BMP6: variants seen among roughly 807,000 people sequenced by gnomAD.
BMP6 encodes VG-1-R.
BMP6 carries 17 observed loss-of-function variants against 54.1 expected under a neutral mutation model. That is an observed-to-expected ratio of 0.31 (90% CI 0.22 to 0.47). The LOEUF (loss-of-function observed/expected upper bound fraction) is 0.47. Among genes scored for constraint, BMP6 ranks in the 20% least tolerant of loss-of-function variants. BMP6 has a pLI of 1.00. For synonymous variants in BMP6, 328 were observed against 291.2 expected (o/e 1.13, Z -1.28); for missense variants, 720 against 690.4 (o/e 1.04, Z -0.48).
intron 1 of BMP6, among the ~76,000 whole-genome samples, chr6:7,823,552 T>A (rs78318945): frequency 6.6e-6 from 1 of 152,162 alleles, no homozygotes; most frequent in African/African-American, 2.4e-5. Flanking sequence ...TATGGAGACA[T>A]GTATTTTAAA....
chr6:7,740,506 C>T (rs890908814), intron 1 of BMP6, among the ~76,000 whole-genome samples: 2 of 152,020 alleles, frequency 1.3e-5, no homozygotes, highest in African/African-American at 4.8e-5. Context: ...CATTAGATTC[C>T]ATTTGTAGAA....
At chr6:7,755,446 A>T (rs1167655315) in intron 1 of BMP6, among the ~76,000 whole-genome samples, 2 of 152,240 alleles carry the variant, frequency 1.3e-5, no homozygotes, top group Non-Finnish European at 2.9e-5. Flanking sequence ...TAAGAATTTT[A>T]CAACAGTATA....
intron 1 of BMP6, among the ~76,000 whole-genome samples, chr6:7,763,560 C>A (rs1389435400): frequency 2.0e-5 from 3 of 152,112 alleles, no homozygotes; most frequent in Non-Finnish European, 4.4e-5. Flanking sequence ...AAGCTATTTG[C>A]TACAGGGGAC....
intron 1 of BMP6, among the ~76,000 whole-genome samples, chr6:7,826,380 T>C (rs964459017): frequency 5.3e-5 from 8 of 152,092 alleles, no homozygotes; most frequent in Admixed American, 4.6e-4. Context: ...GCTGCAGAGG[T>C]CAGAGGGGCA....
In BMP6 at chr6:7,798,477, C is replaced by T. The variant is rs1262573064; in HGVS notation, c.665-46663C>T. ...GTCCAGCACTGTTTCTGATACAGTG[C>T]GCATGAGCATCTCAGCAAGTATCTC... On this transcript the variant is annotated intron_variant, in intron 1 of 6. Transcript: ENST00000283147. 4.6e-5 allele frequency among the ~76,000 whole-genome samples: 7 copies of T among 152,322 alleles called. No individual in the cohort carries two copies. The East Asian group carries it at 5.8e-4, about 13-fold the overall frequency.
At chr6:7,844,358 T>C (rs1015400298) in intron 1 of BMP6, among the ~76,000 whole-genome samples, 5 of 146,942 alleles carry the variant, frequency 3.4e-5, no homozygotes, top group Admixed American at 1.4e-4. Context: ...TTTTTTTTTT[T>C]CAATGTAAAC....
At chr6:7,876,150 C>T (rs1030174167) in intron 4 of BMP6, among the ~76,000 whole-genome samples, 1 of 152,184 alleles carries the variant, frequency 6.6e-6, no homozygotes, top group African/African-American at 2.4e-5. Context: ...TAAATATCCA[C>T]TACAGCTGGG....
intron 1 of BMP6, among the ~76,000 whole-genome samples, chr6:7,802,083 G>A (rs781459768): frequency 2.6e-5 from 4 of 152,152 alleles, no homozygotes; most frequent in Non-Finnish European, 5.9e-5. Flanking sequence ...CATTTAGAAG[G>A]CATTTGGTGG....
chr6:7,768,398 G>A (rs1757725430), intron 1 of BMP6, among the ~76,000 whole-genome samples: 1 of 152,108 alleles, frequency 6.6e-6, no homozygotes, highest in South Asian at 2.1e-4. Flanking sequence ...TCTGGCGTTG[G>A]TTCCTTTGGA....
intron 1 of BMP6, among the ~76,000 whole-genome samples, chr6:7,802,001 C>A (rs2113198815): frequency 6.6e-6 from 1 of 152,216 alleles, no homozygotes; most frequent in South Asian, 2.1e-4. Context: ...TGTGGAGTGC[C>A]CCCAGCCAGA....
chr6:7,765,406 C>T (rs1757672126), intron 1 of BMP6, among the ~76,000 whole-genome samples: 3 of 152,118 alleles, frequency 2.0e-5, no homozygotes, highest in Non-Finnish European at 4.4e-5. Flanking sequence ...CAAAAGATTC[C>T]CCTCAAAAAC....
intron 2 of BMP6, among the ~76,000 whole-genome samples, chr6:7,850,413 T>C (rs866722091): frequency 2.6e-5 from 4 of 152,218 alleles, no homozygotes; most frequent in African/African-American, 9.6e-5. Flanking sequence ...GTAATAAACA[T>C]ATATTCTTTT....
In BMP6 at chr6:7,858,209, G is replaced by A. The variant is rs186211278; in HGVS notation, c.858-3242G>A. On this transcript the variant is annotated intron_variant, in intron 2 of 6. Transcript: ENST00000283147. Reference sequence around the variant, plus strand: ...GGTGATCCTCTCGCCTCAGCTTCCCGAGTAGTTGGGACTACAGGAGTACAC... The same window carrying A: ...GGTGATCCTCTCGCCTCAGCTTCCCAAGTAGTTGGGACTACAGGAGTACAC... Among the ~76,000 whole-genome samples the A allele has an allele frequency of 2.5e-3, 383 of 152,176 alleles. 4 individuals carry two copies. Among genetic ancestry groups the A allele is most frequent in the African/African-American group, 8.6e-3 (358 of 41,500 alleles).
intron 5 of BMP6, 26 bp downstream of exon 5, chr6:7,879,176 A>G (rs760565166): frequency 6.3e-7 from 1 of 1,593,964 alleles, no homozygotes; most frequent in Non-Finnish European, 8.6e-7. Context: ...ACGGGGGATA[A>G]AGGTCCTTTC....
intron 1 of BMP6, among the ~76,000 whole-genome samples, chr6:7,733,600 C>T (rs867571267): frequency 1.5e-4 from 23 of 152,350 alleles, no homozygotes; most frequent in African/African-American, 4.6e-4. Flanking sequence ...AGATATAGGG[C>T]ATAGCTGGCA....
chr6:7,822,897 TTGTGTGTGTGTG>T (rs56161444), intron 1 of BMP6, among the ~76,000 whole-genome samples: 67 of 121,348 alleles, frequency 5.5e-4, no homozygotes, highest in South Asian at 1.4e-3. Context: ...TTGGTGCTGG[TTGTGTGTGTGTG>T]TGTGTGTGTG....
At chr6:7,769,371 G>C (rs1042399600) in intron 1 of BMP6, among the ~76,000 whole-genome samples, 2 of 152,166 alleles carry the variant, frequency 1.3e-5, no homozygotes, top group African/African-American at 2.4e-5. Context: ...AGGATGCCTG[G>C]GGGGGTGGGA....
intron 1 of BMP6, among the ~76,000 whole-genome samples, chr6:7,790,590 TAA>T (rs1341086499): frequency 6.6e-6 from 1 of 150,544 alleles, no homozygotes; most frequent in Non-Finnish European, 1.5e-5. Flanking sequence ...GTGTGTATAT[TAA>T]GTTTGTTTTC....
intron 1 of BMP6, among the ~76,000 whole-genome samples, chr6:7,822,821 T>G (rs1758632246): frequency 6.6e-6 from 1 of 152,110 alleles, no homozygotes; most frequent in South Asian, 2.1e-4. Flanking sequence ...GTTTTGGATC[T>G]TAAGCCATAG....
Sources: allele counts gnomAD v4.1 joint callset (sites outside exome capture counted in the v4.1 genomes callset), GRCh38; gene constraint gnomAD v4.1.1; transcripts MANE v1.5; gene names NCBI Gene and HGNC (gene_info 2026-07-23, HGNC 2026-07-21).